SPATS2: variants seen among roughly 807,000 people sequenced by gnomAD.
SPATS2 encodes spermatogenesis-associated serine-rich protein 2.
In SPATS2, 38 loss-of-function variants were observed where a neutral mutation model predicts 63.7. The observed-to-expected ratio is 0.60, with a 90% CI of 0.46 to 0.78. SPATS2 has a LOEUF of 0.78. Ranked by LOEUF, SPATS2 falls within the 30% of genes least tolerant of loss-of-function variation. The pLI is 0.00. For synonymous variants in SPATS2, 207 were observed against 232.9 expected (o/e 0.89, Z 1.01); for missense variants, 588 against 666.2 (o/e 0.88, Z 1.29).
chr12:49,493,437 T>C (rs1275806156), intron 6 of SPATS2, among the ~76,000 whole-genome samples: 2 of 151,470 alleles, frequency 1.3e-5, no homozygotes, highest in African/African-American at 4.9e-5. Flanking sequence ...AGTGTCACTC[T>C]GTTGCCCAGG....
chr12:49,416,357 A>G (rs564701318), intron 2 of SPATS2, among the ~76,000 whole-genome samples: 46 of 152,266 alleles, frequency 3.0e-4, no homozygotes, highest in African/African-American at 1.1e-3. Flanking sequence ...GGGAAGCCTT[A>G]ACAGCTGGTG....
chr12:49,375,182 GT>G (rs1565690720), intron 2 of SPATS2, among the ~76,000 whole-genome samples: 3 of 135,504 alleles, frequency 2.2e-5, no homozygotes, highest in African/African-American at 1.0e-4. Flanking sequence ...GTGTGTGTGT[GT>G]GTGTGTGTGT....
chr12:49,526,257 A>G lies in SPATS2; in HGVS notation c.*2A>G. On this transcript the variant is annotated 3_prime_UTR_variant, in exon 14 of 14. Transcript: ENST00000552918. ...CAGACTGAAGCCGTGAACTCTTGAG[A>G]GAAAATCCAGTTGGCCTCTCTCCTC... 1 of 1,598,754 alleles carries G rather than the reference A, an allele frequency of 6.3e-7. No homozygotes were observed. The highest frequency in any genetic ancestry group is 8.5e-7 in the Non-Finnish European group (1 of 1,172,508).
chr12:49,498,974 CAG>C (rs1946515715), intron 8 of SPATS2, among the ~76,000 whole-genome samples: 1 of 152,032 alleles, frequency 6.6e-6, no homozygotes, highest in African/African-American at 2.4e-5. Context: ...TTAGTAGAGA[CAG>C]GGTTTCACCA....
rs10601423 is a variant in SPATS2, at chr12:49,375,141, A to AGTGTGTGTGT, written c.-244+3897_-244+3906dup. Among the ~76,000 whole-genome samples the AGTGTGTGTGT allele has an allele frequency of 7.3e-5, 9 of 123,382 alleles. No individual in the cohort carries two copies. The East Asian group carries it at 7.6e-4, about 10-fold the overall frequency. The allele number at this position is 123,382 out of a possible 152,430, so 80.9% of individuals were successfully genotyped here. On this transcript the variant is annotated intron_variant, in intron 2 of 13. Transcript: ENST00000552918. ...CAAGATGTATGATTGCAAGTTGTGG[A>AGTGTGTGTGT]GTGTGTGTGTGTGTGTGTGTGTGTG...
chr12:49,368,803 A>G (rs1943948382), intron 1 of SPATS2, among the ~76,000 whole-genome samples: 1 of 152,146 alleles, frequency 6.6e-6, no homozygotes, highest in Admixed American at 6.6e-5. Context: ...GCTCCTAAGT[A>G]GTCCATGTTA....
At chr12:49,505,580 C>T (rs561880900) in intron 9 of SPATS2, among the ~76,000 whole-genome samples, 1 of 152,014 alleles carries the variant, frequency 6.6e-6, no homozygotes, top group Admixed American at 6.6e-5. Flanking sequence ...TGTCAGTGCT[C>T]AAAAAAGTAC....
intron 3 of SPATS2, among the ~76,000 whole-genome samples, chr12:49,482,611 T>G (rs1005946487): frequency 5.9e-5 from 9 of 152,210 alleles, no homozygotes; most frequent in Non-Finnish European, 1.2e-4. Context: ...AAAATACTCC[T>G]ATTATTAAAC....
chr12:49,376,895 T>A (rs1944116183), intron 2 of SPATS2, among the ~76,000 whole-genome samples: 1 of 151,964 alleles, frequency 6.6e-6, no homozygotes, highest in Non-Finnish European at 1.5e-5. Flanking sequence ...ATTTTTGTAT[T>A]TTCAGTAGAG....
At position 49,514,675 on chromosome 12, in the gene SPATS2, A is replaced by C; in HGVS notation, c.898+62A>C. ...CATAAATAGTAGGTACCTACTTCCC[A>C]ACCCTTATAACAAAAGTTCCATATA... is the stretch of plus-strand genomic sequence containing the variant. On this transcript the variant is annotated intron_variant, in intron 10 of 13. Coordinates refer to ENST00000552918, the MANE Select transcript of SPATS2 (RefSeq NM_023071.4). 8 of 1,464,344 alleles carry C rather than the reference A, an allele frequency of 5.5e-6. 1 individual carries two copies. The South Asian group carries it at 9.8e-5, about 18-fold the overall frequency. 90.7% of individuals were successfully genotyped at this position (1,464,344 alleles called of 1,614,324 possible).
intron 1 of SPATS2, among the ~76,000 whole-genome samples, chr12:49,369,396 C>T (rs1260356170): frequency 6.6e-6 from 1 of 152,126 alleles, no homozygotes; most frequent in Non-Finnish European, 1.5e-5. Context: ...TATGTATTAT[C>T]TCATTCAATC....
intron 7 of SPATS2, among the ~76,000 whole-genome samples, chr12:49,496,540 ACCAAGC>A (rs1946466796): frequency 6.6e-6 from 1 of 152,206 alleles, no homozygotes; most frequent in Non-Finnish European, 1.5e-5. Flanking sequence ...CATAGAAACT[ACCAAGC>A]TACAAAGAAG....
Position 49,526,454 on chromosome 12 carries a change from T to C in SPATS2, c.*199T>C. 1 of 663,530 alleles carries C rather than the reference T, an allele frequency of 1.5e-6. No individual in the cohort carries two copies. Among genetic ancestry groups the C allele is most frequent in the Admixed American group, 3.2e-5 (1 of 31,094 alleles). 41.1% of individuals were successfully genotyped at this position (663,530 alleles called of 1,614,324 possible). On this transcript the variant is annotated 3_prime_UTR_variant, in exon 14 of 14. Transcript: ENST00000552918. The stretch of plus-strand genomic sequence containing the variant: ...AGGGGAAGCTATTTTTTTTCCTTGA[T>C]CTTTCCCAGTGATATGGATTGAATC...
At chr12:49,501,655 C>G (rs1319428049) in intron 9 of SPATS2, among the ~76,000 whole-genome samples, 1 of 152,160 alleles carries the variant, frequency 6.6e-6, no homozygotes, top group African/African-American at 2.4e-5. Flanking sequence ...GTCTCTGTCG[C>G]CTAGGCTGGA....
intron 8 of SPATS2, among the ~76,000 whole-genome samples, chr12:49,499,006 G>C (rs997055333): frequency 1.3e-5 from 2 of 151,942 alleles, no homozygotes; most frequent in Non-Finnish European, 2.9e-5. Flanking sequence ...GGCTGGTCTT[G>C]AACTCCTGGC....
At chr12:49,453,586 A>G (rs891626663) in intron 2 of SPATS2, among the ~76,000 whole-genome samples, 1 of 152,072 alleles carries the variant, frequency 6.6e-6, no homozygotes, top group African/African-American at 2.4e-5. Flanking sequence ...TCAGGGCAGG[A>G]GGATTGCTTG....
intron 4 of SPATS2, chr12:49,486,480 T>G (rs1051616090): frequency 7.3e-6 from 2 of 274,076 alleles, no homozygotes; most frequent in African/African-American, 4.6e-5. Flanking sequence ...ATTACAGGCA[T>G]GAGCCACCGC....
In SPATS2 at chr12:49,477,388, A is replaced by C. The variant is rs184498037; in HGVS notation, c.26-7202A>C. 3.3e-3 allele frequency among the ~76,000 whole-genome samples: 496 copies of C among 152,346 alleles called. 7 individuals carry two copies. Among genetic ancestry groups the C allele is most frequent in the African/African-American group, 0.011 (440 of 41,588 alleles). On this transcript the variant is annotated intron_variant, in intron 3 of 13. Transcript: ENST00000552918. ...CACTCAAAGGAGCAAAGTAAGGAAAAAATTTCATCAGCTGTTGAGACTATA... is the reference window on the plus strand; with the variant it reads ...CACTCAAAGGAGCAAAGTAAGGAAACAATTTCATCAGCTGTTGAGACTATA...
chr12:49,449,496 G>A (rs1945580103), intron 2 of SPATS2, among the ~76,000 whole-genome samples: 1 of 152,224 alleles, frequency 6.6e-6, no homozygotes, highest in African/African-American at 2.4e-5. Flanking sequence ...TTACAGGCGT[G>A]AGCCACCGTG....
Sources: allele counts gnomAD v4.1 joint callset (sites outside exome capture counted in the v4.1 genomes callset), GRCh38; gene constraint gnomAD v4.1.1; transcripts MANE v1.5; gene names NCBI Gene and HGNC (gene_info 2026-07-23, HGNC 2026-07-21).